The following SAMD4B variants were observed in gnomAD, a reference collection of about 807,000 sequenced individuals.
The protein encoded by SAMD4B is protein Smaug homolog 2.
In SAMD4B, 5 loss-of-function variants were observed where a neutral mutation model predicts 74.5. That is an observed-to-expected ratio of 0.07 (90% CI 0.04 to 0.14). SAMD4B has a LOEUF of 0.14. Ranked by LOEUF, SAMD4B falls within the 10% of genes least tolerant of loss-of-function variation. SAMD4B has a pLI of 1.00. For missense variants in SAMD4B, 608 were observed against 921.8 expected (o/e 0.66, Z 4.41); for synonymous variants, 373 against 374.9 (o/e 1.00, Z 0.06).
chr19:39,374,123 T>A (rs1329355315), intron 4 of SAMD4B, among the ~76,000 whole-genome samples: 3 of 151,696 alleles, frequency 2.0e-5, no homozygotes, highest in African/African-American at 4.8e-5. Flanking sequence ...CGAAAAACAT[T>A]AGCTGGGCAT....
downstream of SAMD4B, chr19:39,388,605 C>G (rs747480050): frequency 6.2e-7 from 1 of 1,614,118 alleles, no homozygotes; most frequent in Non-Finnish European, 8.5e-7. Flanking sequence ...GTCCCGCTTT[C>G]GTTTCTTCAA....
At chr19:39,369,552 A>G in intron 3 of SAMD4B, 103 bp from the exon 4 acceptor site, 1 of 898,984 alleles carries the variant, frequency 1.1e-6, no homozygotes, top group Non-Finnish European at 1.7e-6. Flanking sequence ...ATCGTTATGA[A>G]AAGAAGATTG....
At chr19:39,388,448 G>A (rs1316895684), downstream of SAMD4B, 1 of 1,614,012 alleles carries the variant, frequency 6.2e-7, no homozygotes, top group Admixed American at 1.7e-5. Flanking sequence ...TTGTACTCCC[G>A]AGCAATTTTG....
chr19:39,386,537 C>CGGTTCGTGGTTTTCTAGCTG, downstream of SAMD4B: 1 of 1,614,144 alleles, frequency 6.2e-7, no homozygotes, highest in Non-Finnish European at 8.5e-7. The surrounding 1 kb of genome is among the most constrained non-coding windows in gnomAD (Gnocchi z 6.1). Context: ...CTTCCTCCTC[C>CGGTTCGTGGTTTTCTAGCTG]GGTTCGTGGT....
chr19:39,350,212 C>T (rs1005971669), intron 1 of SAMD4B: 9 of 152,254 alleles, frequency 5.9e-5, no homozygotes, highest in Non-Finnish European at 8.8e-5. Context: ...AAGCATCATG[C>T]GCGGTATTTT....
Position 39,370,106 on chromosome 19 carries a change from T to C in SAMD4B, c.648T>C (p.Ile216=). The C allele has an allele frequency of 2.5e-6, 4 of 1,595,622 alleles. No individual in the cohort carries two copies. The highest frequency in any genetic ancestry group is 3.4e-6 in the Non-Finnish European group (4 of 1,171,188). ...CAGTGCCGCCAGCCATCAACAGTAT[T>C]GGGAGCAATGCAAACACAGGTAAGT... The part of the protein sequence containing the change: ...SSSVPPAINS[I]GSNANTGLPC... Residue 216 remains isoleucine, a synonymous_variant, in exon 4 of 14, where the codon ATT becomes ATC. Transcript: ENST00000610417.
At chr19:39,390,414 G>A (rs115466176), downstream of SAMD4B, 780 of 860,120 alleles carry the variant, frequency 9.1e-4, 4 homozygotes, top group African/African-American at 0.012. Flanking sequence ...GGGTGGTGGT[G>A]TGGGGAGTGT....
At chr19:39,353,333 C>G (rs1270989173) in intron 1 of SAMD4B, among the ~76,000 whole-genome samples, 4 of 152,064 alleles carry the variant, frequency 2.6e-5, no homozygotes, top group African/African-American at 9.7e-5. Flanking sequence ...TATTCACTTG[C>G]AACTAGTGAA....
chr19:39,381,404 T>C (rs371534786), intron 12 of SAMD4B: 48 of 298,882 alleles, frequency 1.6e-4, no homozygotes, highest in African/African-American at 1.0e-3. Flanking sequence ...TCTGTGTTGC[T>C]CTTTGTCATC....
In SAMD4B at chr19:39,383,353, G is replaced by A; in HGVS notation, c.2056+62G>A. ...TACCCAGCGTCTCTGCCTCTGAACT[G>A]AGCAACTCAGAGTCATCCTGAGGGG... is the stretch of plus-strand genomic sequence containing the variant. On this transcript the variant is annotated intron_variant, in intron 13 of 13. Transcript: ENST00000610417. This position sits in a 1 kb window ranked among gnomAD's most constrained non-coding sequence, Gnocchi z 4.1. 6.3e-7 allele frequency: 1 copy of A among 1,587,700 alleles called. No homozygotes were observed. The highest frequency in any genetic ancestry group is 2.2e-5 in the East Asian group (1 of 44,728).
At chr19:39,387,152 T>C, downstream of SAMD4B, 1 of 429,472 alleles carries the variant, frequency 2.3e-6, no homozygotes, top group Non-Finnish European at 4.5e-6. Context: ...TATAGCCTAC[T>C]ACATACCTAG....
chr19:39,374,113 C>T (rs940664381), intron 4 of SAMD4B, among the ~76,000 whole-genome samples: 9 of 151,482 alleles, frequency 5.9e-5, no homozygotes, highest in Admixed American at 3.3e-4. Context: ...ACTAAAAATA[C>T]GAAAAACATT....
chr19:39,343,413 C>G (rs2075455885), intron 1 of SAMD4B, among the ~76,000 whole-genome samples: 1 of 151,560 alleles, frequency 6.6e-6, no homozygotes, highest in Non-Finnish European at 1.5e-5. Context: ...AAATCTTCCT[C>G]ACAGACTTTG....
chr19:39,371,894 C>T (rs1014166657), intron 4 of SAMD4B, among the ~76,000 whole-genome samples: 4 of 151,894 alleles, frequency 2.6e-5, no homozygotes, highest in African/African-American at 4.8e-5. Flanking sequence ...TACATATAAA[C>T]TCAAGGTTTA....
chr19:39,369,078 A>G (rs1568357233), intron 3 of SAMD4B: 1 of 153,970 alleles, frequency 6.5e-6, no homozygotes, highest in African/African-American at 2.4e-5. Flanking sequence ...CAGAGTAGCA[A>G]GTTTGGCTGA....
rs919025059 is a variant in SAMD4B, at chr19:39,375,807, C to T, written c.825C>T (p.Ser275=). 6.2e-7 allele frequency: 1 copy of T among 1,613,816 alleles called. No homozygotes were observed. The highest frequency in any genetic ancestry group is 1.3e-5 in the African/African-American group (1 of 74,910). ...ACGCACCTCTCTCGCCCCAGAGCAG[C>T]GTGGCCTCCTCTGGCAGTGAGCAGA... is the stretch of plus-strand genomic sequence containing the variant. ...PDHAPLSPQS[S]VASSGSEQTE... Residue 275 remains serine, a synonymous_variant, in exon 5 of 14, where the codon AGC becomes AGT. Transcript: ENST00000610417. The surrounding 1 kb of genome is among the most constrained non-coding windows in gnomAD (Gnocchi z 4.1).
chr19:39,351,999 C>G (rs1189768578), intron 1 of SAMD4B: 4 of 152,282 alleles, frequency 2.6e-5, no homozygotes, highest in African/African-American at 9.6e-5. Context: ...CCCTCTGTCA[C>G]TTCAGCCAAG....
At position 39,362,548 on chromosome 19, in the gene SAMD4B, A is replaced by G. The variant is rs532300204; in HGVS notation, c.196+5459A>G. ...ATTCCAAGGGTCTCTGGAACAGGGA[A>G]GAAGAGGTCCCAGGTTACCCCTTGT... On this transcript the variant is annotated intron_variant, in intron 3 of 13. Transcript: ENST00000610417. Among the ~76,000 whole-genome samples the G allele has an allele frequency of 4.6e-5, 7 of 152,302 alleles. No individual in the cohort carries two copies. In the East Asian group the frequency reaches 1.2e-3, roughly 25 times the overall value.
intron 3 of SAMD4B, among the ~76,000 whole-genome samples, chr19:39,362,126 G>A (rs1600542489): frequency 6.6e-6 from 1 of 152,150 alleles, no homozygotes; most frequent in East Asian, 1.9e-4. Context: ...TCTGCTTCCT[G>A]CTCAGATAGA....
Sources: gnomAD v4.1 joint callset for allele counts (sites outside exome capture counted in the v4.1 genomes callset) on GRCh38, gnomAD v4.1.1 for gene constraint, Gnocchi (gnomAD v3.1) non-coding constraint, MANE v1.5 for transcripts, NCBI Gene and HGNC (gene_info 2026-07-23, HGNC 2026-07-21) for gene names.